SPOCK1: variants seen among roughly 807,000 people sequenced by gnomAD.
SPOCK1 encodes the protein SPARC (osteonectin), cwcv and kazal like domains proteoglycan 1.
In SPOCK1, 23 loss-of-function variants were observed where a neutral mutation model predicts 55.3. The ratio of observed to expected loss-of-function variants is 0.42; its 90% CI spans 0.30 to 0.59. The LOEUF (loss-of-function observed/expected upper bound fraction) is 0.59. Among genes scored for constraint, SPOCK1 ranks in the 20% least tolerant of loss-of-function variants. The probability of loss-of-function intolerance (pLI) is 0.22; values close to 1 mark genes in which losing one functional copy is unlikely to be tolerated. For missense variants in SPOCK1, 499 were observed against 552.5 expected (o/e 0.90, Z 0.97); for synonymous variants, 226 against 221.0 (o/e 1.02, Z -0.20).
chr5:137,012,007 C>T (rs116325441), intron 6 of SPOCK1, among the ~76,000 whole-genome samples: 30 of 152,262 alleles, frequency 2.0e-4, no homozygotes, highest in African/African-American at 6.3e-4. Context: ...TCATTTATTT[C>T]TTTTTTCATT....
chr5:136,999,220 G>A (rs183366423), intron 6 of SPOCK1, among the ~76,000 whole-genome samples: 4 of 152,298 alleles, frequency 2.6e-5, no homozygotes, highest in East Asian at 1.9e-4. Flanking sequence ...CAGGGTTACC[G>A]CAGCCTTGGT....
At chr5:137,472,441 C>A (rs1469616221) in intron 2 of SPOCK1, among the ~76,000 whole-genome samples, 2 of 151,558 alleles carry the variant, frequency 1.3e-5, no homozygotes, top group Non-Finnish European at 2.9e-5. Context: ...CCTATCAGGA[C>A]AAAAATCCAA....
At chr5:137,334,559 G>A (rs1278373471) in intron 2 of SPOCK1, among the ~76,000 whole-genome samples, 1 of 152,172 alleles carries the variant, frequency 6.6e-6, no homozygotes, top group Non-Finnish European at 1.5e-5. Flanking sequence ...TCTCTCCAAA[G>A]CAGACAATGT....
At chr5:137,067,180 T>G (rs568599881) in intron 6 of SPOCK1, among the ~76,000 whole-genome samples, 63 of 152,320 alleles carry the variant, frequency 4.1e-4, no homozygotes, top group African/African-American at 1.4e-3. Context: ...GAGCCCAAGC[T>G]TTCCTGGCCC....
At chr5:137,066,175 A>G (rs777232241) in intron 6 of SPOCK1, among the ~76,000 whole-genome samples, 3 of 152,064 alleles carry the variant, frequency 2.0e-5, no homozygotes, top group Non-Finnish European at 4.4e-5. Context: ...GTCTCACTCT[A>G]TTGCTCAGGT....
chr5:136,995,657 A>G (rs1170374960), intron 6 of SPOCK1, among the ~76,000 whole-genome samples: 1 of 152,244 alleles, frequency 6.6e-6, no homozygotes, highest in Non-Finnish European at 1.5e-5. Flanking sequence ...CAACATGCAG[A>G]GGAAATCTCA....
intron 2 of SPOCK1, among the ~76,000 whole-genome samples, chr5:137,419,839 T>C (rs1219591877): frequency 6.6e-6 from 1 of 152,188 alleles, no homozygotes; most frequent in African/African-American, 2.4e-5. Context: ...CAACACTATG[T>C]TGAATAGGAG....
At chr5:137,421,680 C>T (rs961768223) in intron 2 of SPOCK1, among the ~76,000 whole-genome samples, 5 of 152,126 alleles carry the variant, frequency 3.3e-5, no homozygotes, top group African/African-American at 1.2e-4. Context: ...TTATTTTGAG[C>T]CTATGTGTGT....
Position 137,022,268 on chromosome 5 carries a change from G to A in SPOCK1, c.590-29668C>T, listed in dbSNP as rs764857276. Reference sequence around the variant, plus strand: ...GAAGCCCAAGAGACCACAAGTGGGTGTTCCAGCCAACAGCCCCAATTCATG... The same window carrying A: ...GAAGCCCAAGAGACCACAAGTGGGTATTCCAGCCAACAGCCCCAATTCATG... On this transcript the variant is annotated intron_variant, in intron 6 of 10. Coordinates refer to ENST00000394945, the MANE Select transcript of SPOCK1 (RefSeq NM_004598.4). Among the ~76,000 whole-genome samples, 15 of 152,152 alleles carry A rather than the reference G, an allele frequency of 9.9e-5. 1 individual carries two copies. Among genetic ancestry groups the A allele is most frequent in the Non-Finnish European group, 1.5e-4 (10 of 68,036 alleles).
chr5:137,023,532 T>TAA (rs931488450), intron 6 of SPOCK1, among the ~76,000 whole-genome samples: 5 of 152,084 alleles, frequency 3.3e-5, no homozygotes, highest in Admixed American at 3.3e-4. Context: ...CTGAAACACA[T>TAA]AAAACATGCT....
At chr5:137,102,024 C>T (rs1276988571) in intron 5 of SPOCK1, among the ~76,000 whole-genome samples, 2 of 152,190 alleles carry the variant, frequency 1.3e-5, no homozygotes, top group Admixed American at 1.3e-4. Context: ...CAGCTCAAAC[C>T]AGGCTCATGC....
chr5:137,297,655 C>A (rs1464525108), intron 2 of SPOCK1, among the ~76,000 whole-genome samples: 2 of 151,898 alleles, frequency 1.3e-5, no homozygotes, highest in Non-Finnish European at 2.9e-5. Context: ...CCTCGAGGAA[C>A]AGGGTGGGGA....
chr5:137,162,903 T>C (rs1318192037), intron 3 of SPOCK1, among the ~76,000 whole-genome samples: 1 of 152,162 alleles, frequency 6.6e-6, no homozygotes, highest in Non-Finnish European at 1.5e-5. Flanking sequence ...ACATCAGCGT[T>C]GGAAGGGTCT....
chr5:137,496,240 C>A (rs1022241500), intron 2 of SPOCK1, among the ~76,000 whole-genome samples: 2 of 152,166 alleles, frequency 1.3e-5, no homozygotes, highest in Non-Finnish European at 2.9e-5. Flanking sequence ...ATTTAACAAG[C>A]ACTTCAGGTG....
chr5:137,104,934 G>A (rs940353908), intron 5 of SPOCK1, among the ~76,000 whole-genome samples: 1 of 152,058 alleles, frequency 6.6e-6, no homozygotes. Context: ...CCCTGACATG[G>A]CCCAGGGAAA....
chr5:137,414,918 A>G (rs1752297619), intron 2 of SPOCK1, among the ~76,000 whole-genome samples: 1 of 139,262 alleles, frequency 7.2e-6, no homozygotes. Context: ...CTTAGGTGCT[A>G]TATCTTTGCT....
At position 137,201,092 on chromosome 5, in the gene SPOCK1, T is replaced by C. The variant is rs550961146; in HGVS notation, c.233-60398A>G. Among the ~76,000 whole-genome samples the C allele has an allele frequency of 3.9e-5, 6 of 152,318 alleles. No individual in the cohort carries two copies. In the South Asian group the frequency reaches 1.2e-3, roughly 32 times the overall value. ...AATACAGACATCAAGGCAACTGTCCTGTTGAGTTGTCCCAGGAAGGGAAAG... is the reference window on the plus strand; with the variant it reads ...AATACAGACATCAAGGCAACTGTCCCGTTGAGTTGTCCCAGGAAGGGAAAG... On this transcript the variant is annotated intron_variant, in intron 3 of 10. Coordinates refer to ENST00000394945, the MANE Select transcript of SPOCK1 (RefSeq NM_004598.4).
At chr5:137,338,242 C>T (rs1335645647) in intron 2 of SPOCK1, among the ~76,000 whole-genome samples, 3 of 134,010 alleles carry the variant, frequency 2.2e-5, no homozygotes, top group Admixed American at 1.7e-4. Flanking sequence ...TTGTTCAATT[C>T]CCACCTATGA....
chr5:137,280,094 A>C (rs1376419035), intron 2 of SPOCK1, among the ~76,000 whole-genome samples: 1 of 152,176 alleles, frequency 6.6e-6, no homozygotes, highest in Non-Finnish European at 1.5e-5. Context: ...TCGGCCTTTG[A>C]AAGGTCACAC....
Sources: gnomAD v4.1 joint callset for allele counts (sites outside exome capture counted in the v4.1 genomes callset) on GRCh38, gnomAD v4.1.1 for gene constraint, MANE v1.5 for transcripts, NCBI Gene and HGNC (gene_info 2026-07-23, HGNC 2026-07-21) for gene names.